The following NAT1 variants were observed in gnomAD, a reference collection of about 807,000 sequenced individuals.
NAT1 encodes arylamine N-acetyltransferase 1.
For missense variants in NAT1, 400 were observed against 339.2 expected, an observed-to-expected ratio of 1.18 and a Z score of -1.41; for synonymous variants, 144 against 122.6, an observed-to-expected ratio of 1.17 and a Z score of -1.16.
At chr8:18,209,517 G>A (rs755348571), upstream of NAT1, among the ~76,000 whole-genome samples, 11 of 152,122 alleles carry the variant, frequency 7.2e-5, no homozygotes, top group Non-Finnish European at 1.5e-4. Flanking sequence ...AACAGCAAGA[G>A]TTGTAGATCA....
In NAT1 at chr8:18,223,270, A is replaced by G. The variant is rs1391650890; in HGVS notation, c.*350A>G. The G allele has an allele frequency of 6.0e-6, 1 of 167,380 alleles. No individual in the cohort carries two copies. Among genetic ancestry groups the G allele is most frequent in the African/African-American group, 2.4e-5 (1 of 41,470 alleles). The allele number at this position is 167,380 out of a possible 1,614,324, so 10.4% of individuals were successfully genotyped here. A position where few individuals can be genotyped will look rare whatever the true frequency, so the allele number is the denominator to read the frequency against. On this transcript the variant is annotated 3_prime_UTR_variant, in exon 3 of 3. Coordinates refer to ENST00000307719, the MANE Select transcript of NAT1 (RefSeq NM_000662.8). ...TGAGTAAATAAAATATTGTAAAAAA[A>G]CTTATTGTCTATAAAGTATATTAAA...
intron 2 of NAT1, among the ~76,000 whole-genome samples, chr8:18,181,488 A>G (rs985998095): frequency 2.0e-5 from 3 of 152,194 alleles, no homozygotes; most frequent in African/African-American, 7.2e-5. Context: ...GTTTTTCTAA[A>G]TATAACACCA....
intron 2 of NAT1, among the ~76,000 whole-genome samples, chr8:18,202,515 G>C (rs1264535169): frequency 6.6e-6 from 1 of 152,202 alleles, no homozygotes; most frequent in Admixed American, 6.5e-5. Flanking sequence ...ATTAAAGATG[G>C]TGTGTCTGGA....
chr8:18,217,007 G>A lies in NAT1; in HGVS notation c.-85-2404G>A, dbSNP rs73571983. On this transcript the variant is annotated intron_variant, in intron 1 of 2. Coordinates refer to ENST00000307719, the MANE Select transcript of NAT1 (RefSeq NM_000662.8). ...ACCATGTTTCTGGGTCAGTACCCTG[G>A]ATGCAGTACCTCCAGTTTCGCATAC... The A allele has an allele frequency of 2.0e-3, 3,049 of 1,528,062 alleles. 43 individuals carry two copies. The African/African-American group carries it at 0.032, about 16-fold the overall frequency. The allele number at this position is 1,528,062 out of a possible 1,614,324, so 94.7% of individuals were successfully genotyped here.
intron 2 of NAT1, among the ~76,000 whole-genome samples, chr8:18,201,634 G>A (rs1294673241): frequency 1.3e-5 from 2 of 152,238 alleles, no homozygotes; most frequent in Non-Finnish European, 2.9e-5. Context: ...TCCCAGAGGG[G>A]ATGGGCTGAC....
rs767910902 is a variant in NAT1, at chr8:18,222,369, C to A, written c.322C>A (p.Leu108Ile). 6.2e-7 allele frequency: 1 copy of A among 1,614,060 alleles called. No homozygotes were observed. Among genetic ancestry groups the A allele is most frequent in the South Asian group, 1.1e-5 (1 of 91,080 alleles). The change falls in exon 3 of 3, where the codon CTT becomes ATT. Residue 108 changes from leucine (L) to isoleucine (I), a missense_variant. Leu to Ile is a conservative substitution (Grantham distance 5). Coordinates refer to ENST00000307719, the MANE Select transcript of NAT1 (RefSeq NM_000662.8). Reference protein sequence around the residue: ...AKKYSTGMIHLLLQVTIDGRN... With the variant: ...AKKYSTGMIHILLQVTIDGRN... ...AAAATACAGCACTGGCATGATTCAC[C>A]TTCTCCTGCAGGTGACCATTGATGG...
intron 2 of NAT1, among the ~76,000 whole-genome samples, chr8:18,188,640 T>C (rs1032668998): frequency 1.3e-5 from 2 of 151,916 alleles, no homozygotes; most frequent in Admixed American, 6.6e-5. Context: ...GCTTTTTTAG[T>C]TTTTTAGCTT....
chr8:18,222,761 C>A lies in NAT1; in HGVS notation c.714C>A (p.Thr238=). 1.2e-6 allele frequency: 2 copies of A among 1,613,726 alleles called. No homozygotes were observed. Among genetic ancestry groups the A allele is most frequent in the Non-Finnish European group, 1.7e-6 (2 of 1,179,892 alleles). Residue 238 remains threonine (T), a synonymous_variant, in exon 3 of 3, where the codon ACC becomes ACA. Transcript: ENST00000307719. ...GGGTTCACTGTTTGGTGGGCTTCAC[C>A]CTCACCCATAGGAGATTCAATTATA... The part of the protein sequence containing the change: ...PDGVHCLVGF[T]LTHRRFNYKD...
At chr8:18,170,894 CTT>C (rs34731083) in intron 2 of NAT1, among the ~76,000 whole-genome samples, 9 of 150,198 alleles carry the variant, frequency 6.0e-5, no homozygotes, top group Non-Finnish European at 1.3e-4. Flanking sequence ...TCTCTCTCTC[CTT>C]TTTTTTTTCT....
At chr8:18,206,966 T>C (rs1803751613), upstream of NAT1, among the ~76,000 whole-genome samples, 2 of 152,300 alleles carry the variant, frequency 1.3e-5, no homozygotes, top group Non-Finnish European at 1.5e-5. Context: ...TCCTGAATAG[T>C]GTTGCCTAGA....
At chr8:18,200,197 A>T (rs1803403453) in intron 2 of NAT1, among the ~76,000 whole-genome samples, 1 of 152,352 alleles carries the variant, frequency 6.6e-6, no homozygotes, top group East Asian at 1.9e-4. Context: ...TTGGGTGTAT[A>T]CCCAAAGGAA....
At chr8:18,203,223 T>A (rs1374997598) in intron 2 of NAT1, among the ~76,000 whole-genome samples, 1 of 152,206 alleles carries the variant, frequency 6.6e-6, no homozygotes, top group Admixed American at 6.5e-5. Flanking sequence ...CTCTAATTAA[T>A]TGGCTTAAAG....
intron 2 of NAT1, among the ~76,000 whole-genome samples, chr8:18,188,573 A>G (rs1219357513): frequency 2.0e-5 from 3 of 152,140 alleles, no homozygotes; most frequent in South Asian, 2.1e-4. Flanking sequence ...TTGATTATAC[A>G]TATCTTTATT....
At position 18,180,882 on chromosome 8, in the gene NAT1, A is replaced by T. The variant is rs1478470327; in HGVS notation, n.92+10143A>T. Among the ~76,000 whole-genome samples the T allele has an allele frequency of 2.0e-5, 3 of 152,252 alleles. No individual in the cohort carries two copies. The East Asian group carries it at 5.8e-4, about 29-fold the overall frequency. ...AGTCTGTGTGTCTGTTCTTATGCCA[A>T]TACCATGCTGCTTTGGTTGCTATAG... On this transcript the variant is annotated intron_variant and non_coding_transcript_variant, in intron 2 of 4. Coordinates refer to the NAT1 transcript ENST00000517441.
chr8:18,197,798 A>G (rs1470980369), intron 2 of NAT1, among the ~76,000 whole-genome samples: 1 of 151,878 alleles, frequency 6.6e-6, no homozygotes, highest in Non-Finnish European at 1.5e-5. Context: ...TCAGCAGTTG[A>G]TTATCAGGGA....
chr8:18,180,606 A>G (rs977919014), intron 2 of NAT1, among the ~76,000 whole-genome samples: 3 of 152,150 alleles, frequency 2.0e-5, no homozygotes, highest in Non-Finnish European at 4.4e-5. Flanking sequence ...TATGGTGACA[A>G]TTTATATTAA....
At chr8:18,212,489 G>A (rs1003971936) in intron 1 of NAT1, 1 of 152,262 alleles carries the variant, frequency 6.6e-6, no homozygotes, top group Admixed American at 6.5e-5. Context: ...AGTGCTGGGA[G>A]AGCCCCAGCT....
chr8:18,212,218 G>C (rs559433503), intron 1 of NAT1: 5 of 152,200 alleles, frequency 3.3e-5, no homozygotes, highest in African/African-American at 1.2e-4. Flanking sequence ...GATTATTGAA[G>C]TGCCAAGTCA....
intron 2 of NAT1, among the ~76,000 whole-genome samples, chr8:18,192,150 A>C (rs1472919315): frequency 1.3e-5 from 2 of 151,790 alleles, no homozygotes; most frequent in African/African-American, 2.4e-5. Context: ...CAAGAAAAAA[A>C]CAAACAACCC....
Sources: gnomAD v4.1 joint callset for allele counts (sites outside exome capture counted in the v4.1 genomes callset) on GRCh38, gnomAD v4.1.1 for gene constraint, MANE v1.5 for transcripts, NCBI Gene and HGNC (gene_info 2026-07-23, HGNC 2026-07-21) for gene names.